The following NPAS3 variants were observed in gnomAD, a reference collection of about 807,000 sequenced individuals.
NPAS3 encodes neuronal PAS domain-containing protein 3.
NPAS3 carries 14 observed loss-of-function variants against 73.1 expected under a neutral mutation model. The ratio of observed to expected loss-of-function variants is 0.19; its 90% CI spans 0.13 to 0.30. The LOEUF (loss-of-function observed/expected upper bound fraction) is 0.30, where lower values mean the gene tolerates loss of function less well. Ranked by LOEUF, NPAS3 falls within the 10% of genes least tolerant of loss-of-function variation. The probability of loss-of-function intolerance (pLI) is 1.00; values close to 1 mark genes in which losing one functional copy is unlikely to be tolerated. For synonymous variants in NPAS3, 620 were observed against 541.5 expected (o/e 1.14, Z -2.01); for missense variants, 1,096 against 1,250.0 (o/e 0.88, Z 1.86).
intron 1 of NPAS3, among the ~76,000 whole-genome samples, chr14:32,957,497 G>A (rs1483770530): frequency 6.6e-6 from 1 of 151,074 alleles, no homozygotes; most frequent in African/African-American, 2.4e-5. Flanking sequence ...TCAGCCTCCC[G>A]AGTAGCTGGG....
At chr14:33,118,970 C>T (rs2043149203) in intron 2 of NPAS3, among the ~76,000 whole-genome samples, 1 of 151,662 alleles carries the variant, frequency 6.6e-6, no homozygotes, top group Non-Finnish European at 1.5e-5. Context: ...AAAGTTTAAC[C>T]ATACAGCTGT....
intron 2 of NPAS3, among the ~76,000 whole-genome samples, chr14:33,136,386 T>A (rs1323053665): frequency 1.3e-5 from 2 of 152,128 alleles, no homozygotes; most frequent in Non-Finnish European, 2.9e-5. Flanking sequence ...AAATGAAAAG[T>A]TCTTCGGTTC....
intron 1 of NPAS3, among the ~76,000 whole-genome samples, chr14:32,939,751 C>G (rs2035898621): frequency 6.6e-6 from 1 of 151,878 alleles, no homozygotes; most frequent in African/African-American, 2.4e-5. Context: ...CCGGGGCCGC[C>G]GCAGGTCCCC....
At chr14:33,760,971 A>G (rs952467936) in intron 7 of NPAS3, among the ~76,000 whole-genome samples, 7 of 152,196 alleles carry the variant, frequency 4.6e-5, no homozygotes, top group South Asian at 2.1e-4. Flanking sequence ...GGGAAAGTGC[A>G]TTAATATCCC....
At chr14:33,031,255 T>G (rs891377916) in intron 1 of NPAS3, among the ~76,000 whole-genome samples, 1 of 152,232 alleles carries the variant, frequency 6.6e-6, no homozygotes, top group Non-Finnish European at 1.5e-5. Flanking sequence ...CTAAACATCT[T>G]GAAACAACTT....
intron 2 of NPAS3, among the ~76,000 whole-genome samples, chr14:33,128,239 A>G (rs139348529): frequency 4.7e-4 from 71 of 152,318 alleles, no homozygotes; most frequent in African/African-American, 1.7e-3. Flanking sequence ...CAAAACAGAT[A>G]ATAAGTAATC....
chr14:32,966,363 T>C (rs973323218), intron 1 of NPAS3, among the ~76,000 whole-genome samples: 1 of 152,038 alleles, frequency 6.6e-6, no homozygotes, highest in Non-Finnish European at 1.5e-5. Context: ...CATAGACCAA[T>C]GAAAGAGAAT....
intron 4 of NPAS3, among the ~76,000 whole-genome samples, chr14:33,442,701 C>A (rs1189214003): frequency 6.6e-6 from 1 of 152,196 alleles, no homozygotes; most frequent in Admixed American, 6.5e-5. Flanking sequence ...TTTCCTGAGG[C>A]CTCCCCAGCC....
At chr14:33,212,425 A>C (rs1458888934) in intron 2 of NPAS3, among the ~76,000 whole-genome samples, 1 of 151,406 alleles carries the variant, frequency 6.6e-6, no homozygotes, top group African/African-American at 2.4e-5. Flanking sequence ...AGTTAAAAAA[A>C]GAGAAAGACA....
chr14:33,528,022 A>G (rs2053878261), intron 4 of NPAS3, among the ~76,000 whole-genome samples: 1 of 152,140 alleles, frequency 6.6e-6, no homozygotes, highest in Non-Finnish European at 1.5e-5. Context: ...TCAGTAAACC[A>G]TATATTAATT....
intron 4 of NPAS3, among the ~76,000 whole-genome samples, chr14:33,461,658 C>T (rs532923495): frequency 2.0e-5 from 3 of 152,274 alleles, no homozygotes; most frequent in East Asian, 1.9e-4. Context: ...GCCATGTTTG[C>T]GGTAACTGAC....
chr14:33,067,667 G>A (rs1240859344), intron 2 of NPAS3, among the ~76,000 whole-genome samples: 1 of 152,168 alleles, frequency 6.6e-6, no homozygotes, highest in Non-Finnish European at 1.5e-5. Flanking sequence ...ACAAGCCCTT[G>A]TATTACAGAG....
At chr14:33,113,017 T>C (rs990319416) in intron 2 of NPAS3, among the ~76,000 whole-genome samples, 2 of 152,194 alleles carry the variant, frequency 1.3e-5, no homozygotes, top group Non-Finnish European at 2.9e-5. Context: ...TTCTGCTCCA[T>C]TGGTCTGTAT....
chr14:33,586,201 A>G (rs2139911882), intron 5 of NPAS3, among the ~76,000 whole-genome samples: 1 of 130,546 alleles, frequency 7.7e-6, no homozygotes, highest in Admixed American at 8.4e-5. Context: ...ATTTTAATAA[A>G]ACCAAATAAC....
At chr14:33,771,097 G>A (rs1201812606) in intron 7 of NPAS3, among the ~76,000 whole-genome samples, 1 of 152,092 alleles carries the variant, frequency 6.6e-6, no homozygotes, top group Non-Finnish European at 1.5e-5. Context: ...GTACATCTCA[G>A]GCCTTAAAGG....
At chr14:32,989,367 G>C (rs536767020) in intron 1 of NPAS3, among the ~76,000 whole-genome samples, 1 of 152,176 alleles carries the variant, frequency 6.6e-6, no homozygotes, top group Non-Finnish European at 1.5e-5. Context: ...GTTTGTGGCC[G>C]GGCACGGTGG....
chr14:33,441,945 CAT>C (rs2049269658), intron 4 of NPAS3, among the ~76,000 whole-genome samples: 1 of 152,186 alleles, frequency 6.6e-6, no homozygotes, highest in Non-Finnish European at 1.5e-5. Flanking sequence ...CCTCCCATGA[CAT>C]GTGGGAATCA....
intron 6 of NPAS3, among the ~76,000 whole-genome samples, chr14:33,718,061 C>T (rs1275264830): frequency 6.6e-6 from 1 of 151,812 alleles, no homozygotes; most frequent in Non-Finnish European, 1.5e-5. Flanking sequence ...TTTTGCAGGC[C>T]TGGGGAAAAC....
At chr14:33,387,199 TGTCAGATGA>T (rs1278377508) in intron 4 of NPAS3, among the ~76,000 whole-genome samples, 1 of 152,182 alleles carries the variant, frequency 6.6e-6, no homozygotes, top group Non-Finnish European at 1.5e-5. Context: ...GTCTGTTCAA[TGTCAGATGA>T]GTAATAATCA....
Sources: allele counts gnomAD v4.1 joint callset (sites outside exome capture counted in the v4.1 genomes callset), GRCh38; gene constraint gnomAD v4.1.1; transcripts MANE v1.5; gene names NCBI Gene and HGNC (gene_info 2026-07-23, HGNC 2026-07-21).